The following LRP1 variants were observed in gnomAD, a reference collection of about 807,000 sequenced individuals.
LRP1 encodes LDL receptor related protein 1.
In LRP1, 51 loss-of-function variants were observed where a neutral mutation model predicts 541.5. That is an observed-to-expected ratio of 0.09 (90% CI 0.08 to 0.12). The LOEUF is 0.12. Ranked by LOEUF, LRP1 falls within the 10% of genes least tolerant of loss-of-function variation. LRP1 has a pLI of 1.00. For missense variants in LRP1, 3,878 were observed against 6,376.2 expected (o/e 0.61, Z 13.34); for synonymous variants, 2,219 against 2,470.8 (o/e 0.90, Z 3.02).
intron 18 of LRP1, 33 bp downstream of exon 18, chr12:57,167,079 GCCTGGGGGAGGGGCAT>G: frequency 6.3e-7 from 1 of 1,578,784 alleles, no homozygotes; most frequent in Non-Finnish European, 8.7e-7. Context: ...GTCAGGCTGG[GCCTGGGGGAGGGGCAT>G]CCTGAGAGCA....
At chr12:57,131,383 T>C (rs531144717) in intron 1 of LRP1, among the ~76,000 whole-genome samples, 1 of 152,164 alleles carries the variant, frequency 6.6e-6, no homozygotes, top group Non-Finnish European at 1.5e-5. Flanking sequence ...TTGAGGGCCC[T>C]GCTGAGATTG....
rs535601602 is a variant in LRP1 at position 57,173,626 on chromosome 12, T to G, written c.3347-154T>G. On this transcript the variant is annotated intron_variant, in intron 21 of 88. Transcript: ENST00000243077. The surrounding 1 kb of genome is among the most constrained non-coding windows in gnomAD (Gnocchi z 4.7). Reference sequence around the variant, plus strand: ...GCAGATTCCTGCCTTGTTTGTTGCCTATGTGAATTTGACCCAAAAAGCCTC... The same window carrying G: ...GCAGATTCCTGCCTTGTTTGTTGCCGATGTGAATTTGACCCAAAAAGCCTC... Among the ~76,000 whole-genome samples the G allele has an allele frequency of 1.3e-5, 2 of 152,274 alleles. No individual in the cohort carries two copies. Among genetic ancestry groups the G allele is most frequent in the South Asian group, 4.1e-4 (2 of 4,832 alleles).
chr12:57,152,826 C>G (rs1429227680), intron 6 of LRP1, among the ~76,000 whole-genome samples: 1 of 152,218 alleles, frequency 6.6e-6, no homozygotes, highest in African/African-American at 2.4e-5. Context: ...CCTTCCCTTC[C>G]TGTCCTGTGA....
intron 1 of LRP1, among the ~76,000 whole-genome samples, chr12:57,132,650 G>A (rs550431624): frequency 2.6e-5 from 4 of 151,858 alleles, no homozygotes; most frequent in Admixed American, 6.6e-5. Flanking sequence ...ATTAGTGTGC[G>A]CTGTCTTGGC....
chr12:57,179,032 C>T lies in LRP1; in HGVS notation c.4738+11C>T, dbSNP rs778601273. On this transcript the variant is annotated intron_variant, in intron 28 of 88. Coordinates refer to ENST00000243077, the MANE Select transcript of LRP1 (RefSeq NM_002332.3). The surrounding 1 kb of genome is among the most constrained non-coding windows in gnomAD (Gnocchi z 6.8). ...ACACCACCTGCTATGGTAGGAGCCCCTCCCTCCAGAGCCAGTGAGCAACTG... is the reference window on the plus strand; with the variant it reads ...ACACCACCTGCTATGGTAGGAGCCCTTCCCTCCAGAGCCAGTGAGCAACTG... 1.9e-6 allele frequency: 3 copies of T among 1,611,792 alleles called. No homozygotes were observed. The highest frequency in any genetic ancestry group is 2.5e-6 in the Non-Finnish European group (3 of 1,178,926).
At chr12:57,199,114 C>T (rs1214290809) in intron 60 of LRP1, 98 bp from the exon 61 acceptor site, 2 of 1,123,952 alleles carry the variant, frequency 1.8e-6, no homozygotes, top group Non-Finnish European at 1.3e-6. Flanking sequence ...CTGACACCCA[C>T]CTCTCAGGGT....
In LRP1 at chr12:57,178,953, A is replaced by G. The variant is rs1303835516; in HGVS notation, c.4670A>G (p.Tyr1557Cys). ...TGCTCCCACCTGTGTCTCATCAACT[A>G]CAACCGGACCGTGTCCTGCGCCTGC... ...GPCSHLCLIN[Y>C]NRTVSCACPH... The change falls in exon 28 of 89, where the codon TAC becomes TGC. Residue 1557 changes from tyrosine (Y) to cysteine (C), a missense_variant. Around this residue, in one of 13 missense-constraint regions of LRP1, gnomAD observed 394 missense variants for 635.9 expected, o/e 0.62. Coordinates refer to ENST00000243077, the MANE Select transcript of LRP1 (RefSeq NM_002332.3). This position sits in a 1 kb window ranked among gnomAD's most constrained non-coding sequence, Gnocchi z 5.8. The G allele has an allele frequency of 6.2e-7, 1 of 1,613,892 alleles. No individual in the cohort carries two copies. Among genetic ancestry groups the G allele is most frequent in the African/African-American group, 1.3e-5 (1 of 74,892 alleles).
chr12:57,205,720 G>A lies in LRP1; in HGVS notation c.11590+43G>A. ...GGGCAGAAAGGCTGGGTGGGGCAGG[G>A]CGACCAGGATATCAAACGGGGCCGA... On this transcript the variant is annotated intron_variant, in intron 75 of 88. Coordinates refer to ENST00000243077, the MANE Select transcript of LRP1 (RefSeq NM_002332.3). The surrounding 1 kb of genome is among the most constrained non-coding windows in gnomAD (Gnocchi z 4.6). 1.3e-6 allele frequency: 2 copies of A among 1,598,756 alleles called. No homozygotes were observed. Among genetic ancestry groups the A allele is most frequent in the Non-Finnish European group, 1.7e-6 (2 of 1,177,108 alleles).
At chr12:57,141,839 A>C (rs1453139621) in intron 3 of LRP1, among the ~76,000 whole-genome samples, 1 of 152,216 alleles carries the variant, frequency 6.6e-6, no homozygotes, top group East Asian at 1.9e-4. Flanking sequence ...AAATAGTATG[A>C]TCCTTTCTTC....
intron 6 of LRP1, chr12:57,149,318 T>C (rs2136668294): frequency 2.3e-6 from 1 of 443,556 alleles, no homozygotes. Context: ...CCCATTCCTG[T>C]TCTGAGTTTC....
chr12:57,187,043 G>A (rs1021112215), intron 41 of LRP1, among the ~76,000 whole-genome samples: 1 of 152,220 alleles, frequency 6.6e-6, no homozygotes, highest in African/African-American at 2.4e-5. Context: ...GTGGGAGAGG[G>A]TTGAGAGGTG....
In LRP1 at chr12:57,166,319, C is replaced by G. The variant is rs1565728865; in HGVS notation, c.2797+110C>G. The G allele has an allele frequency of 4.1e-5, 57 of 1,394,104 alleles. No individual in the cohort carries two copies. The East Asian group carries it at 1.4e-3, about 35-fold the overall frequency. 86.4% of individuals were successfully genotyped at this position (1,394,104 alleles called of 1,614,324 possible). ...CCTATAATCTCAGCACTTTGGGAGG[C>G]CAAGGTGAGAGGATCACTTGAGCCC... On this transcript the variant is annotated intron_variant, in intron 17 of 88. Transcript: ENST00000243077.
rs764859711 is a variant in LRP1 at position 57,178,487 on chromosome 12, G to C, written c.4490G>C (p.Arg1497Pro). The change falls in exon 27 of 89, where the codon CGA becomes CCA. Residue 1497 changes from arginine to proline, a missense_variant. Around this residue, in one of 13 missense-constraint regions of LRP1, gnomAD observed 54 missense variants for 167.7 expected, o/e 0.32. Transcript: ENST00000243077. The surrounding 1 kb of genome is among the most constrained non-coding windows in gnomAD (Gnocchi z 5.8). ...GGGGAGGTCTACTGGACTGACTGGC[G>C]AACAAACACACTGGCTAAGGCCAAC... ...YGGEVYWTDW[R>P]TNTLAKANKW... 6.2e-7 allele frequency: 1 copy of C among 1,614,062 alleles called. No individual in the cohort carries two copies. The highest frequency in any genetic ancestry group is 8.5e-7 in the Non-Finnish European group (1 of 1,180,042).
rs1218758537 is a variant in LRP1 at position 57,154,836 on chromosome 12, G to A, written c.1227+135G>A. ...CGTGGATGCCCCAGGCCTCTAGTGG[G>A]AGTGGGGTGGGCTTGAATACTGCAG... On this transcript the variant is annotated intron_variant, in intron 8 of 88. Transcript: ENST00000243077. The surrounding 1 kb of genome is among the most constrained non-coding windows in gnomAD (Gnocchi z 4.6). The A allele has an allele frequency of 1.3e-5, 10 of 785,882 alleles. No homozygotes were observed. The highest frequency in any genetic ancestry group is 2.2e-5 in the Non-Finnish European group (10 of 464,462). 48.7% of individuals were successfully genotyped at this position (785,882 alleles called of 1,614,324 possible).
chr12:57,203,749 G>C (rs901375614), intron 70 of LRP1: 5 of 550,994 alleles, frequency 9.1e-6, no homozygotes, highest in African/African-American at 7.8e-5. Flanking sequence ...CCAGCTCAAT[G>C]CCCCCTAGTC....
At position 57,137,839 on chromosome 12, in the gene LRP1, T is replaced by C. The variant is rs141582576; in HGVS notation, c.68-620T>C. On this transcript the variant is annotated intron_variant, in intron 1 of 88. Coordinates refer to ENST00000243077, the MANE Select transcript of LRP1 (RefSeq NM_002332.3). ...GAATGGAAATGGAAGCAAGGCTCTC[T>C]ACCCTGCCCATTCCTGCCCAGCCTT... Among the ~76,000 whole-genome samples the C allele has an allele frequency of 1.6e-4, 24 of 151,306 alleles. No individual in the cohort carries two copies. The East Asian group carries it at 4.1e-3, about 26-fold the overall frequency.
intron 24 of LRP1, 100 bp from the exon 25 acceptor site, chr12:57,176,941 G>C: frequency 1.0e-6 from 1 of 978,980 alleles, no homozygotes; most frequent in Non-Finnish European, 1.6e-6. Context: ...TGGCAGAAGT[G>C]CCAGGGTTGA....
In LRP1 at chr12:57,159,911, G is replaced by A. The variant is rs1418966029; in HGVS notation, c.1885G>A (p.Val629Met). ...TDDGPKKTISVARLEKAAQTR... is the reference protein window; with the variant it reads ...TDDGPKKTISMARLEKAAQTR... ...CGATGGGCCCAAAAAGACAATCAGC[G>A]TGGCCAGGCTGGAGAAAGCTGCTCA... Residue 629 changes from valine to methionine, a missense_variant, in exon 12 of 89, where the codon GTG becomes ATG. Physicochemically the swap from Val to Met is conservative, Grantham distance 21. Coordinates refer to ENST00000243077, the MANE Select transcript of LRP1 (RefSeq NM_002332.3). 7 of 1,614,180 alleles carry A rather than the reference G, an allele frequency of 4.3e-6. 1 individual carries two copies. In the South Asian group the frequency reaches 4.4e-5, roughly 10 times the overall value.
Position 57,201,990 on chromosome 12 carries a change from G to A in LRP1, c.10594+85G>A, listed in dbSNP as rs779735539. 21 of 1,550,876 alleles carry A rather than the reference G, an allele frequency of 1.4e-5. No homozygotes were observed. The highest frequency in any genetic ancestry group is 1.7e-5 in the Admixed American group (1 of 59,244). ...CCTGGCAGGTGGAGGGCTGGGGGCC[G>A]CCTGCTTACCGGTCTCAGCGTGGCC... is the stretch of plus-strand genomic sequence containing the variant. On this transcript the variant is annotated intron_variant, in intron 67 of 88. Transcript: ENST00000243077. The surrounding 1 kb of genome is among the most constrained non-coding windows in gnomAD (Gnocchi z 6.4).
Sources: allele counts gnomAD v4.1 joint callset (sites outside exome capture counted in the v4.1 genomes callset), GRCh38; gene constraint gnomAD v4.1.1; regional missense constraint gnomAD v4.1.1; non-coding constraint Gnocchi (gnomAD v3.1); transcripts MANE v1.5; gene names NCBI Gene and HGNC (gene_info 2026-07-23, HGNC 2026-07-21).